FMN2: variants seen among roughly 807,000 people sequenced by gnomAD.
FMN2 encodes the protein formin 2.
Under a neutral mutation model 142.3 loss-of-function variants are expected in FMN2, and 51 were observed. The observed-to-expected ratio is 0.36, with a 90% CI of 0.29 to 0.45. FMN2 has a LOEUF of 0.45. Ranked by LOEUF, FMN2 falls within the 20% of genes least tolerant of loss-of-function variation. The probability of loss-of-function intolerance (pLI) is 1.00; values close to 1 mark genes in which losing one functional copy is unlikely to be tolerated. For synonymous variants in FMN2, 882 were observed against 869.8 expected (o/e 1.01, Z -0.25); for missense variants, 1,936 against 2,122.8 (o/e 0.91, Z 1.73).
chr1:240,463,670 A>T (rs1053412151), intron 16 of FMN2, among the ~76,000 whole-genome samples: 3 of 152,200 alleles, frequency 2.0e-5, no homozygotes, highest in Non-Finnish European at 2.9e-5. Flanking sequence ...AAAACTCAGA[A>T]GTTCTCTGAA....
intron 11 of FMN2, among the ~76,000 whole-genome samples, chr1:240,332,911 A>C (rs1671428109): frequency 6.6e-6 from 1 of 152,160 alleles, no homozygotes; most frequent in African/African-American, 2.4e-5. Flanking sequence ...GAGAGAAAGG[A>C]AGTCAAGTTG....
chr1:240,326,847 T>C (rs1671189559), intron 8 of FMN2, among the ~76,000 whole-genome samples: 1 of 152,146 alleles, frequency 6.6e-6, no homozygotes, highest in African/African-American at 2.4e-5. Context: ...CCTTTATGTG[T>C]TATACTTTGG....
intron 14 of FMN2, among the ~76,000 whole-genome samples, chr1:240,360,436 A>G (rs1178802840): frequency 6.6e-6 from 1 of 152,154 alleles, no homozygotes; most frequent in African/African-American, 2.4e-5. Flanking sequence ...TGGACCTGAT[A>G]CTTCTATTTT....
At chr1:240,109,428 A>G (rs1661726853) in intron 1 of FMN2, among the ~76,000 whole-genome samples, 1 of 152,208 alleles carries the variant, frequency 6.6e-6, no homozygotes, top group South Asian at 2.1e-4. Context: ...TATTGGGAGA[A>G]GAGCATCTCC....
chr1:240,276,479 A>G (rs775142221), intron 7 of FMN2, among the ~76,000 whole-genome samples: 7 of 152,170 alleles, frequency 4.6e-5, no homozygotes, highest in Non-Finnish European at 8.8e-5. Flanking sequence ...CTTTGACCCT[A>G]CCTTGGGGGT....
At chr1:240,228,335 A>G (rs1467738761) in intron 6 of FMN2, among the ~76,000 whole-genome samples, 1 of 88,542 alleles carries the variant, frequency 1.1e-5, no homozygotes, top group African/African-American at 6.4e-5. Context: ...AAAAAAAAGA[A>G]AAAGAAAAAG....
chr1:240,285,679 G>A (rs1669561941), intron 7 of FMN2, among the ~76,000 whole-genome samples: 1 of 152,106 alleles, frequency 6.6e-6, no homozygotes, highest in African/African-American at 2.4e-5. Flanking sequence ...TAAATGTTTA[G>A]CACGTGTATC....
At chr1:240,269,811 A>G (rs2102917770) in intron 7 of FMN2, among the ~76,000 whole-genome samples, 1 of 151,922 alleles carries the variant, frequency 6.6e-6, no homozygotes, top group Admixed American at 6.6e-5. Flanking sequence ...TATAAATGGA[A>G]CTGTTTTCTT....
chr1:240,151,979 C>T (rs979125648), intron 2 of FMN2, among the ~76,000 whole-genome samples: 10 of 152,072 alleles, frequency 6.6e-5, no homozygotes, highest in African/African-American at 2.4e-4. Context: ...GTTGCCCAGG[C>T]TGCTCTCGAA....
At chr1:240,144,608 C>T in intron 2 of FMN2, 1 of 1,308,104 alleles carries the variant, frequency 7.6e-7, no homozygotes, top group Non-Finnish European at 1.1e-6. Context: ...GCTAAACTTT[C>T]AGAACACACC....
chr1:240,134,881 G>A (rs1571965339), intron 2 of FMN2, among the ~76,000 whole-genome samples: 1 of 152,160 alleles, frequency 6.6e-6, no homozygotes, highest in Non-Finnish European at 1.5e-5. Context: ...TGGATGGAGT[G>A]GAAGGGAAAT....
intron 5 of FMN2, among the ~76,000 whole-genome samples, chr1:240,209,794 C>T (rs1211239420): frequency 1.3e-5 from 2 of 151,666 alleles, no homozygotes; most frequent in Non-Finnish European, 2.9e-5. Context: ...GTTCCAGCTA[C>T]TCGGGAGGCT....
At chr1:240,154,403 A>G (rs1233577463) in intron 2 of FMN2, among the ~76,000 whole-genome samples, 4 of 152,172 alleles carry the variant, frequency 2.6e-5, no homozygotes, top group Non-Finnish European at 5.9e-5. Context: ...TCAAGGTGGA[A>G]AAGACAGGTT....
chr1:240,343,962 G>A (rs1671823002), intron 13 of FMN2, among the ~76,000 whole-genome samples: 1 of 152,090 alleles, frequency 6.6e-6, no homozygotes, highest in Admixed American at 6.5e-5. Context: ...CAATGCCCCA[G>A]CATTCTTAGA....
intron 8 of FMN2, among the ~76,000 whole-genome samples, chr1:240,312,941 A>T (rs1409675524): frequency 6.6e-6 from 1 of 152,198 alleles, no homozygotes; most frequent in Non-Finnish European, 1.5e-5. Context: ...AAAAGACTTA[A>T]GAGATTATTT....
At chr1:240,361,492 G>C (rs112943306) in intron 14 of FMN2, among the ~76,000 whole-genome samples, 1,906 of 152,288 alleles carry the variant, frequency 0.013, 20 homozygotes, top group Non-Finnish European at 0.02. Flanking sequence ...GTGCTGAAGA[G>C]AGAATAGCAG....
intron 15 of FMN2, among the ~76,000 whole-genome samples, chr1:240,406,800 A>C (rs1048694078): frequency 1.9e-4 from 29 of 152,296 alleles, no homozygotes; most frequent in Middle Eastern, 6.8e-3. Flanking sequence ...AGTTGAGACA[A>C]GTTTTCTAAA....
chr1:240,221,487 CAT>C (rs1222056233), intron 6 of FMN2, among the ~76,000 whole-genome samples: 2 of 152,108 alleles, frequency 1.3e-5, no homozygotes, highest in African/African-American at 4.8e-5. Context: ...AGCTTTTTTT[CAT>C]ATGTTTATTG....
intron 4 of FMN2, among the ~76,000 whole-genome samples, chr1:240,202,754 T>C (rs1666175782): frequency 6.6e-6 from 1 of 152,182 alleles, no homozygotes; most frequent in Admixed American, 6.5e-5. Context: ...ATGACCACTG[T>C]GCCTCATCAG....
Sources: allele counts gnomAD v4.1 joint callset (sites outside exome capture counted in the v4.1 genomes callset), GRCh38; gene constraint gnomAD v4.1.1; transcripts MANE v1.5; gene names NCBI Gene and HGNC (gene_info 2026-07-23, HGNC 2026-07-21).